Variants in PCDH9 observed in about 807,000 individuals in gnomAD.
The protein encoded by PCDH9 is protocadherin-9.
In PCDH9, 24 loss-of-function variants were observed where a neutral mutation model predicts 70.6. The observed-to-expected ratio is 0.34, with a 90% CI of 0.25 to 0.48. The LOEUF is 0.48. Among genes scored for constraint, PCDH9 ranks in the 20% least tolerant of loss-of-function variants. The probability of loss-of-function intolerance (pLI) is 0.99; values close to 1 mark genes in which losing one functional copy is unlikely to be tolerated. For synonymous variants in PCDH9, 562 were observed against 558.5 expected, an observed-to-expected ratio of 1.01 and a Z score of -0.09; for missense variants, 1,281 against 1,503.6, an observed-to-expected ratio of 0.85 and a Z score of 2.45.
At chr13:66,686,738 A>G (rs9571625) in intron 3 of PCDH9, among the ~76,000 whole-genome samples, 46,968 of 151,954 alleles carry the variant, frequency 0.31, 8,217 homozygotes, top group East Asian at 0.51. Context: ...TTTCTAATAA[A>G]CACTGGACCC....
chr13:66,859,988 TAGTC>T (rs1286033968), intron 3 of PCDH9, among the ~76,000 whole-genome samples: 1 of 152,192 alleles, frequency 6.6e-6, no homozygotes, highest in African/African-American at 2.4e-5. Flanking sequence ...TTTAGGTCGT[TAGTC>T]AGTCTGTTGC....
At chr13:67,107,222 C>A (rs561481723) in intron 2 of PCDH9, among the ~76,000 whole-genome samples, 2 of 147,164 alleles carry the variant, frequency 1.4e-5, no homozygotes, top group Non-Finnish European at 3.0e-5. Context: ...CCAATCAACA[C>A]GCATATCTAA....
Position 66,556,572 on chromosome 13 carries a change from C to T in PCDH9, c.3340+74638G>A, listed in dbSNP as rs1409807010. Among the ~76,000 whole-genome samples, 7 of 152,226 alleles carry T rather than the reference C, an allele frequency of 4.6e-5. No individual in the cohort carries two copies. The East Asian group carries it at 1.4e-3, about 29-fold the overall frequency. On this transcript the variant is annotated intron_variant, in intron 4 of 4. Transcript: ENST00000377865. ...TAGGATATTTTTAGTAAGGATGACT[C>T]TATCTCAATAACCAATGATTTATAT...
chr13:67,116,386 T>A (rs1038051411), intron 2 of PCDH9, among the ~76,000 whole-genome samples: 3 of 152,194 alleles, frequency 2.0e-5, no homozygotes, highest in Non-Finnish European at 2.9e-5. Context: ...TTGATATAAC[T>A]TCTGAAAATC....
chr13:66,379,334 T>C (rs1482811008), intron 4 of PCDH9, among the ~76,000 whole-genome samples: 1 of 152,154 alleles, frequency 6.6e-6, no homozygotes, highest in African/African-American at 2.4e-5. Context: ...AGTATACAAA[T>C]TTTTATTGAT....
At chr13:67,169,484 T>C (rs1341892486) in intron 2 of PCDH9, among the ~76,000 whole-genome samples, 2 of 152,232 alleles carry the variant, frequency 1.3e-5, no homozygotes, top group Admixed American at 6.5e-5. Context: ...TCTGATTACA[T>C]GTCTTTTGGC....
intron 4 of PCDH9, among the ~76,000 whole-genome samples, chr13:66,587,852 AAC>A: frequency 6.6e-6 from 1 of 152,236 alleles, no homozygotes; most frequent in Non-Finnish European, 1.5e-5. Flanking sequence ...CAAACTTTCA[AAC>A]CAAATAAAAT....
intron 3 of PCDH9, among the ~76,000 whole-genome samples, chr13:66,881,498 C>T (rs901028650): frequency 2.0e-5 from 3 of 152,108 alleles, no homozygotes; most frequent in East Asian, 3.9e-4. Context: ...AATAATCTCC[C>T]ACTGGGTCCC....
At chr13:67,190,169 C>A (rs2088871451) in intron 2 of PCDH9, among the ~76,000 whole-genome samples, 1 of 151,900 alleles carries the variant, frequency 6.6e-6, no homozygotes, top group Non-Finnish European at 1.5e-5. Flanking sequence ...TATACAAAGA[C>A]ACTGAGGCTT....
chr13:66,562,873 C>T (rs868635113), intron 4 of PCDH9, among the ~76,000 whole-genome samples: 1 of 152,120 alleles, frequency 6.6e-6, no homozygotes, highest in African/African-American at 2.4e-5. Context: ...TATGCTTATA[C>T]TCCTCATTCA....
In PCDH9 at chr13:67,007,496, G is replaced by A. The variant is rs113996089; in HGVS notation, c.3037-103891C>T. On this transcript the variant is annotated intron_variant, in intron 2 of 4. Transcript: ENST00000377865. ...AAAATGTAAAAGTTATTAGTAAAAT[G>A]GTATTCAGTTGGCTTTAAAATTCTT... 4.2e-3 allele frequency among the ~76,000 whole-genome samples: 644 copies of A among 152,178 alleles called. 5 individuals carry two copies. The highest frequency in any genetic ancestry group is 0.014 in the African/African-American group (596 of 41,536).
intron 3 of PCDH9, among the ~76,000 whole-genome samples, chr13:66,866,695 G>A (rs1254984515): frequency 1.3e-5 from 2 of 152,030 alleles, no homozygotes; most frequent in East Asian, 3.9e-4. Context: ...TACTCAGGAA[G>A]CTGAGGCAGA....
chr13:66,849,716 A>G (rs2081283789), intron 3 of PCDH9, among the ~76,000 whole-genome samples: 1 of 152,142 alleles, frequency 6.6e-6, no homozygotes, highest in African/African-American at 2.4e-5. Flanking sequence ...AGAGGTGTGT[A>G]ATTGTGATTC....
chr13:66,987,425 GTTA>G (rs2139789137), intron 2 of PCDH9, among the ~76,000 whole-genome samples: 1 of 152,090 alleles, frequency 6.6e-6, no homozygotes, highest in East Asian at 1.9e-4. Flanking sequence ...CATTAATTGT[GTTA>G]TTGACTATTT....
At chr13:66,709,928 G>T (rs185904027) in intron 3 of PCDH9, among the ~76,000 whole-genome samples, 63 of 152,192 alleles carry the variant, frequency 4.1e-4, no homozygotes, top group African/African-American at 1.3e-3. Flanking sequence ...GGTCTAGACT[G>T]TCAGCAAAAG....
At chr13:67,041,501 T>G (rs1444232194) in intron 2 of PCDH9, among the ~76,000 whole-genome samples, 1 of 152,124 alleles carries the variant, frequency 6.6e-6, no homozygotes, top group African/African-American at 2.4e-5. Flanking sequence ...AAGACTAGAT[T>G]GCTATAGTTC....
At chr13:66,933,928 GA>G (rs1470818108) in intron 2 of PCDH9, among the ~76,000 whole-genome samples, 6 of 143,474 alleles carry the variant, frequency 4.2e-5, no homozygotes, top group Non-Finnish European at 9.1e-5. Context: ...GGGCAAAAAA[GA>G]AACATTGAGT....
intron 3 of PCDH9, among the ~76,000 whole-genome samples, chr13:66,671,726 A>AAAGC (rs2078177776): frequency 1.3e-5 from 2 of 152,236 alleles, no homozygotes; most frequent in South Asian, 4.1e-4. Flanking sequence ...TCTAAGCAGT[A>AAAGC]AAGCATTCAA....
intron 4 of PCDH9, among the ~76,000 whole-genome samples, chr13:66,378,708 G>A (rs1593882754): frequency 6.6e-6 from 1 of 152,164 alleles, no homozygotes; most frequent in East Asian, 1.9e-4. Context: ...GATCTAGAAA[G>A]ACTAATTGTA....
Sources: gnomAD v4.1 joint callset for allele counts (sites outside exome capture counted in the v4.1 genomes callset) on GRCh38, gnomAD v4.1.1 for gene constraint, MANE v1.5 for transcripts, NCBI Gene and HGNC (gene_info 2026-07-23, HGNC 2026-07-21) for gene names.